Variants in ZFHX3 observed in about 807,000 individuals in gnomAD.
ZFHX3 encodes zinc finger homeobox 3.
ZFHX3 carries 42 observed loss-of-function variants against 279.1 expected under a neutral mutation model. The ratio of observed to expected loss-of-function variants is 0.15; its 90% confidence interval spans 0.12 to 0.19. The LOEUF is 0.19. ZFHX3 is among the 10% of genes least tolerant of loss of function. The pLI is 1.00. For missense variants in ZFHX3, 4,981 were observed against 4,754.0 expected, an observed-to-expected ratio of 1.05 and a Z score of -1.40; for synonymous variants, 2,293 against 1,957.8, an observed-to-expected ratio of 1.17 and a Z score of -4.52.
chr16:73,599,945 A>T (rs1030523014), intron 2 of ZFHX3, among the ~76,000 whole-genome samples: 3 of 152,178 alleles, frequency 2.0e-5, no homozygotes, highest in Non-Finnish European at 4.4e-5. Context: ...ATGTCAGCCT[A>T]AAGCTATTGA....
intron 3 of ZFHX3, among the ~76,000 whole-genome samples, chr16:73,422,916 G>A (rs915408524): frequency 6.6e-6 from 1 of 152,210 alleles, no homozygotes; most frequent in African/African-American, 2.4e-5. Flanking sequence ...CAGGTTCTGG[G>A]AGGGTAGACA....
chr16:72,996,202 T>TG (rs1163372999), intron 1 of ZFHX3, among the ~76,000 whole-genome samples: 5 of 152,136 alleles, frequency 3.3e-5, no homozygotes, highest in Non-Finnish European at 7.4e-5. Flanking sequence ...AAGAATCACT[T>TG]GAACCTGGGA....
chr16:73,627,119 C>T (rs2052424215), intron 2 of ZFHX3, among the ~76,000 whole-genome samples: 1 of 152,070 alleles, frequency 6.6e-6, no homozygotes, highest in South Asian at 2.1e-4. Context: ...TATTATCTTC[C>T]AAGTTAGAAG....
At chr16:72,802,020 TA>T (rs887210298) in intron 7 of ZFHX3, among the ~76,000 whole-genome samples, 11 of 148,460 alleles carry the variant, frequency 7.4e-5, no homozygotes, top group African/African-American at 2.0e-4. Flanking sequence ...TCATGAGAAA[TA>T]AAAAAAAAGC....
intron 1 of ZFHX3, among the ~76,000 whole-genome samples, chr16:73,684,986 A>C (rs2053065490): frequency 1.3e-5 from 2 of 149,910 alleles, no homozygotes; most frequent in African/African-American, 4.9e-5. Context: ...GGCGTGAGCC[A>C]CTGTGCCAGG....
Position 73,303,952 on chromosome 16 carries a change from A to C in ZFHX3, c.-1194+14288T>G, listed in dbSNP as rs2015117087. The stretch of plus-strand genomic sequence containing the variant: ...TCACCCAATCTGATGGAGGTTCAAA[A>C]ACCCTAGGTGGAAAAAAAAAAAAAA... On this transcript the variant is annotated intron_variant, in intron 4 of 17. Transcript: ENST00000641206. Among the ~76,000 whole-genome samples the C allele has an allele frequency of 2.0e-5, 3 of 147,376 alleles. No homozygotes were observed. The South Asian group carries it at 6.6e-4, about 32-fold the overall frequency.
chr16:73,622,294 C>A (rs1410973527), intron 2 of ZFHX3, among the ~76,000 whole-genome samples: 2 of 152,196 alleles, frequency 1.3e-5, no homozygotes, highest in African/African-American at 4.8e-5. Flanking sequence ...CACAGGGGCT[C>A]ACGCCTGTAA....
chr16:72,791,698 A>G (rs903441291), intron 9 of ZFHX3: 3 of 152,200 alleles, frequency 2.0e-5, no homozygotes, highest in Admixed American at 6.5e-5. Context: ...TGCAGGGGTA[A>G]TTAAATGCTT....
At chr16:72,921,368 T>C (rs2039579460) in intron 3 of ZFHX3, among the ~76,000 whole-genome samples, 1 of 152,166 alleles carries the variant, frequency 6.6e-6, no homozygotes, top group Non-Finnish European at 1.5e-5. Context: ...TGCTTGCGGC[T>C]TTCCTGTTCT....
intron 1 of ZFHX3, among the ~76,000 whole-genome samples, chr16:73,702,634 G>C (rs1209460440): frequency 1.3e-5 from 2 of 152,162 alleles, no homozygotes; most frequent in African/African-American, 2.4e-5. Flanking sequence ...CTGTGGGATT[G>C]GTGGAGGATT....
chr16:72,912,633 C>T (rs904025054), intron 3 of ZFHX3, among the ~76,000 whole-genome samples: 1 of 152,066 alleles, frequency 6.6e-6, no homozygotes, highest in African/African-American at 2.4e-5. Flanking sequence ...GGGTTGCTGT[C>T]CTTGGGAGGG....
chr16:73,387,783 A>G (rs1256642103), intron 3 of ZFHX3, among the ~76,000 whole-genome samples: 1 of 152,032 alleles, frequency 6.6e-6, no homozygotes, highest in Non-Finnish European at 1.5e-5. Flanking sequence ...AGTCGCACAT[A>G]AACACCCACT....
At chr16:73,341,703 A>T (rs771593956) in intron 3 of ZFHX3, among the ~76,000 whole-genome samples, 5 of 152,346 alleles carry the variant, frequency 3.3e-5, no homozygotes, top group South Asian at 2.1e-4. Context: ...AATTCCACAG[A>T]TAAATGGATA....
chr16:72,812,008 G>C lies in ZFHX3; in HGVS notation c.3560C>G (p.Thr1187Arg), dbSNP rs2036468007. 1 of 1,614,148 alleles carries C rather than the reference G, an allele frequency of 6.2e-7. No homozygotes were observed. The highest frequency in any genetic ancestry group is 8.5e-7 in the Non-Finnish European group (1 of 1,180,040). The change falls in exon 6 of 10, where the codon ACA becomes AGA. Residue 1187 changes from threonine to arginine, a missense_variant. Thr to Arg is a moderately conservative substitution (Grantham distance 71). Around this residue, in one of 7 missense-constraint regions of ZFHX3, gnomAD observed 1,751 missense variants for 1,770.0 expected, o/e 0.99. Coordinates refer to ENST00000268489, the MANE Select transcript of ZFHX3 (RefSeq NM_006885.4). ...GCGTTTGGAGGTTGCAGGAGAATCT[G>C]TCAGCTCCTTCTCTGCTTGGCTGGA... ...ASSSQAEKEL[T>R]DSPATSKRIS...
intron 2 of ZFHX3, among the ~76,000 whole-genome samples, chr16:73,476,855 C>T (rs1249580817): frequency 6.6e-6 from 1 of 152,138 alleles, no homozygotes; most frequent in African/African-American, 2.4e-5. Context: ...TTAGAATGAA[C>T]TTTCAGAAAT....
At chr16:73,626,102 C>A (rs985070051) in intron 2 of ZFHX3, among the ~76,000 whole-genome samples, 8 of 152,060 alleles carry the variant, frequency 5.3e-5, no homozygotes, top group Admixed American at 5.2e-4. Flanking sequence ...GTGATCCGCC[C>A]GCCTCGGCCT....
At chr16:73,047,044 C>G (rs147938466) in intron 1 of ZFHX3, among the ~76,000 whole-genome samples, 4 of 152,362 alleles carry the variant, frequency 2.6e-5, no homozygotes, top group African/African-American at 9.6e-5. Flanking sequence ...AGGCCTTTTC[C>G]TATCATAACA....
chr16:73,097,231 A>ATTTTTTTTTTTTTTTT (rs376018253), intron 7 of ZFHX3, among the ~76,000 whole-genome samples: 1 of 126,722 alleles, frequency 7.9e-6, no homozygotes, highest in African/African-American at 3.2e-5. Context: ...GCTAATTTTA[A>ATTTTTTTTTTTTTTTT]TTTTTTTTTT....
intron 1 of ZFHX3, 140 bp from the exon 2 acceptor site, chr16:72,960,334 C>T (rs1001342604): frequency 5.0e-5 from 31 of 622,130 alleles, no homozygotes; most frequent in Admixed American, 2.5e-4. Flanking sequence ...AGACACAGGG[C>T]GGAGGGCGGG....
Sources: gnomAD v4.1 joint callset for allele counts (sites outside exome capture counted in the v4.1 genomes callset) on GRCh38, gnomAD v4.1.1 for gene constraint, gnomAD v4.1.1 regional missense constraint, MANE v1.5 for transcripts, NCBI Gene and HGNC (gene_info 2026-07-23, HGNC 2026-07-21) for gene names.